The following NKAIN2 variants were observed in gnomAD, a reference collection of about 807,000 sequenced individuals.
NKAIN2 encodes sodium/potassium-transporting ATPase subunit beta-1-interacting protein 2.
A neutral mutation model predicts 32.6 loss-of-function variants in NKAIN2; 14 were observed. That is an observed-to-expected ratio of 0.43 (90% CI 0.28 to 0.67). NKAIN2 has a LOEUF of 0.67. NKAIN2 is among the 30% of genes least tolerant of loss of function. The pLI, the probability that NKAIN2 is intolerant of heterozygous loss-of-function variation, is 0.17. For missense variants in NKAIN2, 198 were observed against 258.3 expected (o/e 0.77, Z 1.60); for synonymous variants, 80 against 87.2 (o/e 0.92, Z 0.46).
intron 4 of NKAIN2, 99 bp from the exon 5 acceptor site, chr6:124,791,240 G>A (rs1435148696): frequency 2.6e-6 from 2 of 780,656 alleles, no homozygotes; most frequent in Non-Finnish European, 4.5e-6. Context: ...GGAGCCCTAA[G>A]TCTGGTTGTA....
chr6:124,133,916 G>A (rs1786601304), intron 1 of NKAIN2, among the ~76,000 whole-genome samples: 2 of 151,988 alleles, frequency 1.3e-5, no homozygotes, highest in Non-Finnish European at 1.5e-5. Flanking sequence ...TGAAGAAATA[G>A]CCTACTCAAA....
chr6:124,529,268 T>C (rs1017609914), intron 3 of NKAIN2, among the ~76,000 whole-genome samples: 9 of 152,104 alleles, frequency 5.9e-5, no homozygotes, highest in East Asian at 1.9e-4. Flanking sequence ...GAATGAATGA[T>C]AACGTTACTA....
chr6:124,012,207 C>T (rs1161083953), intron 1 of NKAIN2, among the ~76,000 whole-genome samples: 1 of 152,024 alleles, frequency 6.6e-6, no homozygotes, highest in African/African-American at 2.4e-5. Context: ...ACTGACCTCA[C>T]ATCTCTCCAT....
intron 3 of NKAIN2, among the ~76,000 whole-genome samples, chr6:124,651,109 C>G (rs1784352281): frequency 6.6e-6 from 1 of 151,178 alleles, no homozygotes; most frequent in African/African-American, 2.5e-5. Flanking sequence ...GGGCAAACAA[C>G]ATTAAATCTT....
intron 3 of NKAIN2, among the ~76,000 whole-genome samples, chr6:124,535,697 A>T (rs2114832183): frequency 6.6e-6 from 1 of 152,338 alleles, no homozygotes; most frequent in East Asian, 1.9e-4. Flanking sequence ...TGATAGCACC[A>T]GTGACCTGAA....
intron 4 of NKAIN2, among the ~76,000 whole-genome samples, chr6:124,764,575 A>G (rs1331933093): frequency 1.3e-5 from 2 of 152,168 alleles, no homozygotes; most frequent in African/African-American, 4.8e-5. Context: ...GAAGGAGTCT[A>G]TAGTATTACT....
intron 1 of NKAIN2, among the ~76,000 whole-genome samples, chr6:123,907,786 C>T (rs529675646): frequency 7.9e-5 from 12 of 152,174 alleles, no homozygotes; most frequent in African/African-American, 2.9e-4. Context: ...CAAGACTTTC[C>T]CCCCTTCATC....
chr6:124,348,207 G>T (rs1433410368), intron 2 of NKAIN2, among the ~76,000 whole-genome samples: 1 of 152,106 alleles, frequency 6.6e-6, no homozygotes, highest in Admixed American at 6.6e-5. Flanking sequence ...TTTTGTCTCA[G>T]AGTTGTACCC....
At chr6:124,292,902 C>G (rs942096876) in intron 2 of NKAIN2, among the ~76,000 whole-genome samples, 2 of 152,004 alleles carry the variant, frequency 1.3e-5, no homozygotes, top group African/African-American at 4.8e-5. Context: ...ACTCATGACA[C>G]TTATTTATTT....
chr6:123,990,378 A>G (rs1218837019), intron 1 of NKAIN2, among the ~76,000 whole-genome samples: 1 of 152,216 alleles, frequency 6.6e-6, no homozygotes, highest in Non-Finnish European at 1.5e-5. Context: ...TTAGTATGCT[A>G]CAACTTATAT....
intron 1 of NKAIN2, among the ~76,000 whole-genome samples, chr6:124,108,873 C>T (rs535775094): frequency 6.6e-6 from 1 of 151,924 alleles, no homozygotes; most frequent in Non-Finnish European, 1.5e-5. Context: ...TTTCTGGACT[C>T]TCTGTTTTGT....
At chr6:124,236,412 G>GTGGCAT (rs1230509603) in intron 1 of NKAIN2, among the ~76,000 whole-genome samples, 2 of 152,150 alleles carry the variant, frequency 1.3e-5, no homozygotes, top group African/African-American at 4.8e-5. Flanking sequence ...ATTGATGGAA[G>GTGGCAT]TGGCATCGCT....
At chr6:124,665,601 G>A (rs1772759810) in intron 4 of NKAIN2, among the ~76,000 whole-genome samples, 1 of 152,190 alleles carries the variant, frequency 6.6e-6, no homozygotes, top group Admixed American at 6.5e-5. Flanking sequence ...TAGGCTTGAT[G>A]TAGGGACTAC....
At chr6:124,691,634 T>G (rs1394849565) in intron 4 of NKAIN2, among the ~76,000 whole-genome samples, 1 of 152,222 alleles carries the variant, frequency 6.6e-6, no homozygotes, top group Non-Finnish European at 1.5e-5. Context: ...TATCCAAGTT[T>G]ACTTTCATTT....
At chr6:124,710,201 T>TGTTA (rs1254899948) in intron 4 of NKAIN2, among the ~76,000 whole-genome samples, 1 of 152,110 alleles carries the variant, frequency 6.6e-6, no homozygotes, top group Non-Finnish European at 1.5e-5. Context: ...AGAGATAGTT[T>TGTTA]GTTATAATCT....
At chr6:123,985,452 C>CTA (rs926409368) in intron 1 of NKAIN2, among the ~76,000 whole-genome samples, 7 of 152,028 alleles carry the variant, frequency 4.6e-5, no homozygotes, top group Non-Finnish European at 8.8e-5. Flanking sequence ...AAAATCAATT[C>CTA]TATAAAGTTA....
At chr6:124,690,039 T>G (rs1180291663) in intron 4 of NKAIN2, among the ~76,000 whole-genome samples, 1 of 152,276 alleles carries the variant, frequency 6.6e-6, no homozygotes, top group East Asian at 1.9e-4. Context: ...TAGATCAAGT[T>G]CAGAAGAACA....
At chr6:124,171,593 C>T (rs1013088215) in intron 1 of NKAIN2, among the ~76,000 whole-genome samples, 1 of 122,170 alleles carries the variant, frequency 8.2e-6, no homozygotes, top group Non-Finnish European at 1.6e-5. Context: ...GCTCTGTTGC[C>T]CAGGCTGGAG....
intron 1 of NKAIN2, among the ~76,000 whole-genome samples, chr6:123,956,031 C>G (rs1348996654): frequency 1.3e-5 from 2 of 152,004 alleles, no homozygotes; most frequent in Non-Finnish European, 2.9e-5. Flanking sequence ...GGATGCTTAA[C>G]TTGGGAGAAT....
Sources: gnomAD v4.1 joint callset for allele counts (sites outside exome capture counted in the v4.1 genomes callset) on GRCh38, gnomAD v4.1.1 for gene constraint, MANE v1.5 for transcripts, NCBI Gene and HGNC (gene_info 2026-07-23, HGNC 2026-07-21) for gene names.